LRRC69: variants seen among roughly 807,000 people sequenced by gnomAD.
The protein encoded by LRRC69 is leucine-rich repeat-containing protein 69.
LRRC69 carries 42 observed loss-of-function variants against 37.8 expected under a neutral mutation model. That is an observed-to-expected ratio of 1.11 (90% CI 0.87 to 1.44). The LOEUF is 1.44. LRRC69 is among the 40% of genes most tolerant of loss of function. The pLI is 0.00. For missense variants in LRRC69, 357 were observed against 401.9 expected (o/e 0.89, Z 0.96); for synonymous variants, 141 against 143.1 (o/e 0.99, Z 0.11).
At chr8:91,160,084 C>A (rs949152012) in intron 5 of LRRC69, among the ~76,000 whole-genome samples, 2 of 151,044 alleles carry the variant, frequency 1.3e-5, no homozygotes, top group Admixed American at 1.3e-4. Flanking sequence ...TTGTAGGTAT[C>A]ATTGTGGAAA....
At chr8:91,190,265 TTTG>T (rs1230575091) in intron 6 of LRRC69, among the ~76,000 whole-genome samples, 1 of 151,358 alleles carries the variant, frequency 6.6e-6, no homozygotes, top group African/African-American at 2.4e-5. Flanking sequence ...AGTGGCTTAC[TTTG>T]TTTTTTTTTT....
At chr8:91,166,703 T>C (rs1235440985) in intron 5 of LRRC69, among the ~76,000 whole-genome samples, 1 of 151,760 alleles carries the variant, frequency 6.6e-6, no homozygotes, top group African/African-American at 2.4e-5. Flanking sequence ...TTTTATGGGA[T>C]ACATATACAA....
chr8:91,151,938 A>G (rs1808746309), intron 5 of LRRC69, among the ~76,000 whole-genome samples: 2 of 151,636 alleles, frequency 1.3e-5, no homozygotes, highest in Non-Finnish European at 2.9e-5. Flanking sequence ...GGCCGCATAA[A>G]TGTCTTCTTT....
chr8:91,122,077 T>G (rs767968757), intron 1 of LRRC69, among the ~76,000 whole-genome samples: 1 of 152,116 alleles, frequency 6.6e-6, no homozygotes, highest in Non-Finnish European at 1.5e-5. Flanking sequence ...CTAACTCTTA[T>G]GTAAGAACTT....
At chr8:91,197,695 C>T (rs921845151) in intron 6 of LRRC69, among the ~76,000 whole-genome samples, 1 of 152,146 alleles carries the variant, frequency 6.6e-6, no homozygotes, top group Non-Finnish European at 1.5e-5. Context: ...CCTCACCCTG[C>T]TTCGGCTCGC....
At chr8:91,165,978 G>C (rs748447843) in intron 5 of LRRC69, among the ~76,000 whole-genome samples, 2 of 151,734 alleles carry the variant, frequency 1.3e-5, no homozygotes, top group African/African-American at 4.8e-5. Flanking sequence ...TCATAATAGA[G>C]TGAAGGGCAG....
intron 5 of LRRC69, chr8:91,157,234 C>G: frequency 7.8e-7 from 1 of 1,283,316 alleles, no homozygotes; most frequent in South Asian, 1.2e-5. Flanking sequence ...ATTATGAATT[C>G]TGACATTAGA....
At chr8:91,118,371 A>T in intron 1 of LRRC69, 2 of 44,812 alleles carry the variant, frequency 4.5e-5, no homozygotes, top group Non-Finnish European at 1.0e-4. Flanking sequence ...AAAAAAAAAA[A>T]AAAAAAAAAA....
At chr8:91,136,863 TTTATC>T (rs1261187890) in intron 5 of LRRC69, among the ~76,000 whole-genome samples, 1 of 152,042 alleles carries the variant, frequency 6.6e-6, no homozygotes, top group Non-Finnish European at 1.5e-5. Flanking sequence ...CTAACATTAA[TTTATC>T]TTATACCATG....
chr8:91,189,728 G>A (rs762507307), intron 6 of LRRC69, 105 bp downstream of exon 6: 12 of 693,876 alleles, frequency 1.7e-5, no homozygotes, highest in Admixed American at 1.4e-4. Context: ...AATGATTAAT[G>A]TAATCCTAGT....
chr8:91,195,897 C>T (rs1417331646), intron 6 of LRRC69, among the ~76,000 whole-genome samples: 1 of 152,128 alleles, frequency 6.6e-6, no homozygotes, highest in Non-Finnish European at 1.5e-5. Flanking sequence ...ATGATGTTAG[C>T]TGGTTATTTT....
At chr8:91,126,924 C>G (rs997769165) in intron 2 of LRRC69, among the ~76,000 whole-genome samples, 164 bp from the exon 3 acceptor site, 1 of 152,068 alleles carries the variant, frequency 6.6e-6, no homozygotes, top group East Asian at 1.9e-4. Context: ...TGATAAATTA[C>G]TCCTTTTTGC....
Position 91,167,217 on chromosome 8 carries a change from A to C in LRRC69, c.652-22305A>C, listed in dbSNP as rs1034385648. Among the ~76,000 whole-genome samples, 8 of 151,818 alleles carry C rather than the reference A, an allele frequency of 5.3e-5. No homozygotes were observed. In the East Asian group the frequency reaches 1.4e-3, roughly 26 times the overall value. ...GGGTAATTATAAAGGAAAGAAGTTT[A>C]ATTGCTTCACAGTTCCATATGGTTG... On this transcript the variant is annotated intron_variant, in intron 5 of 7. Coordinates refer to ENST00000448384, the Ensembl canonical transcript of LRRC69.
At chr8:91,123,462 G>T (rs1364284107) in intron 1 of LRRC69, among the ~76,000 whole-genome samples, 1 of 151,954 alleles carries the variant, frequency 6.6e-6, no homozygotes, top group Non-Finnish European at 1.5e-5. Flanking sequence ...CTTAGGATGA[G>T]AAATTTCATT....
intron 1 of LRRC69, among the ~76,000 whole-genome samples, chr8:91,111,347 A>G (rs1267423453): frequency 1.3e-5 from 2 of 151,970 alleles, no homozygotes; most frequent in East Asian, 3.9e-4. Flanking sequence ...AGCCTGGCCA[A>G]GATGGTGAAA....
At position 91,131,906 on chromosome 8, in the gene LRRC69, A is replaced by G. The variant is rs574692725; in HGVS notation, c.384-1204A>G. ...CTTTGCTGGGTGCCTTTAATTTTTA[A>G]TGGTCAGTTGTTTATATTTCTCAAG... On this transcript the variant is annotated intron_variant, in intron 3 of 7. Transcript: ENST00000448384. 5.3e-5 allele frequency among the ~76,000 whole-genome samples: 8 copies of G among 151,858 alleles called. No homozygotes were observed. The South Asian group carries it at 6.2e-4, about 12-fold the overall frequency.
At chr8:91,199,880 T>A (rs1168632715) in intron 6 of LRRC69, among the ~76,000 whole-genome samples, 2 of 152,224 alleles carry the variant, frequency 1.3e-5, no homozygotes, top group African/African-American at 4.8e-5. Flanking sequence ...AAAGGCAACT[T>A]CCATTTTCTT....
At chr8:91,121,239 A>G (rs1167183752) in intron 1 of LRRC69, among the ~76,000 whole-genome samples, 2 of 151,894 alleles carry the variant, frequency 1.3e-5, no homozygotes, top group African/African-American at 4.8e-5. Flanking sequence ...ACTTCTTGCT[A>G]CCCCTGCAGA....
chr8:91,197,587 G>C (rs1194807092), intron 6 of LRRC69, among the ~76,000 whole-genome samples: 4 of 152,132 alleles, frequency 2.6e-5, no homozygotes, highest in African/African-American at 9.7e-5. Flanking sequence ...CAGTATTAGG[G>C]TGGGAGTGAC....
Sources: gnomAD v4.1 joint callset for allele counts (sites outside exome capture counted in the v4.1 genomes callset) on GRCh38, gnomAD v4.1.1 for gene constraint, MANE v1.5 for transcripts, NCBI Gene and HGNC (gene_info 2026-07-23, HGNC 2026-07-21) for gene names.